Variants in PTPRK observed in about 807,000 individuals in gnomAD.
PTPRK encodes the protein protein tyrosine phosphatase receptor type K.
Under a neutral mutation model 178.0 loss-of-function variants are expected in PTPRK, and 75 were observed. The observed-to-expected ratio is 0.42, with a 90% CI of 0.35 to 0.51. The LOEUF (loss-of-function observed/expected upper bound fraction) is 0.51. PTPRK is among the 20% of genes least tolerant of loss of function. PTPRK has a pLI of 0.02. For missense variants in PTPRK, 1,441 were observed against 1,797.8 expected, an observed-to-expected ratio of 0.80 and a Z score of 3.59; for synonymous variants, 637 against 620.6, an observed-to-expected ratio of 1.03 and a Z score of -0.39.
chr6:127,987,510 TCTTA>T (rs754677142), intron 21 of PTPRK, among the ~76,000 whole-genome samples: 3 of 152,132 alleles, frequency 2.0e-5, no homozygotes, highest in South Asian at 2.1e-4. Context: ...AGTAATATTT[TCTTA>T]CTTCTGTTTA....
intron 2 of PTPRK, chr6:128,340,790 T>A (rs1831557556): frequency 2.1e-6 from 1 of 486,300 alleles, no homozygotes; most frequent in African/African-American, 2.0e-5. Context: ...CACTTTTAGG[T>A]TTGATTCTTT....
intron 13 of PTPRK, among the ~76,000 whole-genome samples, chr6:128,032,657 A>G (rs1000789816): frequency 1.3e-5 from 2 of 152,202 alleles, no homozygotes; most frequent in African/African-American, 4.8e-5. Context: ...TTTAAGAAGG[A>G]TGAAAAGATG....
At chr6:127,973,302 G>T in intron 28 of PTPRK, 145 bp from the exon 29 acceptor site, 1 of 1,313,050 alleles carries the variant, frequency 7.6e-7, no homozygotes. Context: ...TGTGTACAAG[G>T]CAGAGAGGAG....
intron 7 of PTPRK, among the ~76,000 whole-genome samples, chr6:128,140,303 C>A (rs1368699657): frequency 6.6e-6 from 1 of 152,004 alleles, no homozygotes; most frequent in African/African-American, 2.4e-5. Flanking sequence ...AGAATTTGTA[C>A]AAGTGGCCTT....
chr6:128,469,819 A>C (rs918860861), intron 1 of PTPRK, among the ~76,000 whole-genome samples: 3 of 152,222 alleles, frequency 2.0e-5, no homozygotes, highest in African/African-American at 7.2e-5. Context: ...CAGCAAAGAA[A>C]AGAGATGACA....
intron 1 of PTPRK, among the ~76,000 whole-genome samples, chr6:128,456,648 C>T (rs1562559475): frequency 6.6e-6 from 1 of 151,966 alleles, no homozygotes; most frequent in Non-Finnish European, 1.5e-5. Flanking sequence ...GGTTGAAGTA[C>T]CATATACTTT....
chr6:128,287,338 T>A (rs535767300), intron 3 of PTPRK, among the ~76,000 whole-genome samples: 15 of 152,328 alleles, frequency 9.8e-5, no homozygotes, highest in Middle Eastern at 3.4e-3. Context: ...GAAAGACAAC[T>A]GCAGTGGTTA....
intron 2 of PTPRK, among the ~76,000 whole-genome samples, chr6:128,381,635 C>T (rs1837929688): frequency 1.3e-5 from 2 of 152,106 alleles, no homozygotes; most frequent in South Asian, 2.1e-4. Flanking sequence ...CCAGATACTG[C>T]ACTCTGTATT....
At chr6:128,076,714 TA>T (rs1562537977) in intron 11 of PTPRK, among the ~76,000 whole-genome samples, 1 of 152,082 alleles carries the variant, frequency 6.6e-6, no homozygotes, top group Non-Finnish European at 1.5e-5. Flanking sequence ...TGAGTGTTTC[TA>T]ATTGGTCTTT....
At chr6:128,300,850 T>G (rs2128311873) in intron 3 of PTPRK, among the ~76,000 whole-genome samples, 1 of 152,194 alleles carries the variant, frequency 6.6e-6, no homozygotes, top group African/African-American at 2.4e-5. Flanking sequence ...CCCTAAAACT[T>G]AAAGTATAAT....
intron 13 of PTPRK, among the ~76,000 whole-genome samples, chr6:128,012,901 C>T (rs966571286): frequency 3.3e-5 from 5 of 151,178 alleles, no homozygotes; most frequent in African/African-American, 1.2e-4. Context: ...GCAAATCCTC[C>T]CGGCATTTCA....
chr6:128,380,975 T>A (rs886929061), intron 2 of PTPRK, among the ~76,000 whole-genome samples: 1 of 151,384 alleles, frequency 6.6e-6, no homozygotes, highest in African/African-American at 2.4e-5. Context: ...TATATGACAA[T>A]AAACTCTATC....
intron 16 of PTPRK, 40 bp from the exon 17 acceptor site, chr6:127,997,028 C>T: frequency 1.9e-6 from 3 of 1,582,092 alleles, no homozygotes; most frequent in Non-Finnish European, 1.7e-6. Context: ...AATTTAATTC[C>T]TTTTTAAAAA....
At chr6:128,325,143 T>C (rs1206447966) in intron 2 of PTPRK, among the ~76,000 whole-genome samples, 1 of 152,170 alleles carries the variant, frequency 6.6e-6, no homozygotes, top group East Asian at 1.9e-4. Flanking sequence ...CAAATATTCC[T>C]TACAGTCTCT....
chr6:128,283,303 T>C (rs1821968413), intron 3 of PTPRK, among the ~76,000 whole-genome samples: 1 of 152,198 alleles, frequency 6.6e-6, no homozygotes, highest in Non-Finnish European at 1.5e-5. Context: ...ATAGAGTCCA[T>C]TCTAGTCAAC....
At chr6:128,211,775 A>C (rs1369847402) in intron 6 of PTPRK, among the ~76,000 whole-genome samples, 2 of 152,148 alleles carry the variant, frequency 1.3e-5, no homozygotes, top group East Asian at 1.9e-4. Context: ...ATAGTGGTAG[A>C]GAACCCTGCT....
chr6:128,380,982 T>C (rs1837827164), intron 2 of PTPRK, among the ~76,000 whole-genome samples: 1 of 135,668 alleles, frequency 7.4e-6, no homozygotes, highest in Middle Eastern at 3.4e-3. Context: ...CAATAAACTC[T>C]ATCAGACAGT....
intron 7 of PTPRK, among the ~76,000 whole-genome samples, chr6:128,125,602 CTTTTTTTTTTTTTT>C (rs869038931): frequency 2.9e-5 from 2 of 68,334 alleles, no homozygotes; most frequent in African/African-American, 1.2e-4. Flanking sequence ...TTGGGCTTTT[CTTTTTTTTTTTTTT>C]TTTTTTTTTT....
intron 1 of PTPRK, among the ~76,000 whole-genome samples, chr6:128,407,445 T>C (rs1318816611): frequency 2.6e-5 from 4 of 151,806 alleles, no homozygotes; most frequent in Non-Finnish European, 5.9e-5. Context: ...AAGACCAGCC[T>C]GGGCAACAAA....
Sources: allele counts gnomAD v4.1 joint callset (sites outside exome capture counted in the v4.1 genomes callset), GRCh38; gene constraint gnomAD v4.1.1; transcripts MANE v1.5; gene names NCBI Gene and HGNC (gene_info 2026-07-23, HGNC 2026-07-21).